Variants in STPG2 observed in about 807,000 individuals in gnomAD.
STPG2 encodes sperm-tail PG-rich repeat-containing protein 2.
STPG2 carries 56 observed loss-of-function variants against 54.2 expected under a neutral mutation model. That is an observed-to-expected ratio of 1.03 (90% CI 0.83 to 1.29). The LOEUF (loss-of-function observed/expected upper bound fraction) is 1.29. Among genes scored for constraint, STPG2 ranks in the 50% most tolerant of loss-of-function variants. STPG2 has a pLI of 0.00. For synonymous variants in STPG2, 200 were observed against 181.8 expected (o/e 1.10, Z -0.81); for missense variants, 596 against 544.9 (o/e 1.09, Z -0.93).
intron 10 of STPG2, among the ~76,000 whole-genome samples, chr4:97,616,050 ACATATAAATAT>A (rs1733856223): frequency 9.9e-5 from 8 of 80,636 alleles, no homozygotes; most frequent in African/African-American, 4.1e-4. Context: ...AAAAAAAAAT[ACATATAAATAT>A]ATATATATAT....
In STPG2 at chr4:97,528,546, G is replaced by T. The variant is rs188324802; in HGVS notation, c.462+184153C>A. On this transcript the variant is annotated intron_variant, in intron 4 of 4. Transcript: ENST00000522676. Reference sequence around the variant, plus strand: ...TCCAACTCTGTTAAGAAAGCCAATGGTACCTTGATGGGGATAGCATTAAAT... The same window carrying T: ...TCCAACTCTGTTAAGAAAGCCAATGTTACCTTGATGGGGATAGCATTAAAT... Among the ~76,000 whole-genome samples the T allele has an allele frequency of 4.4e-3, 675 of 152,228 alleles. 2 individuals are homozygous for T. Among genetic ancestry groups the T allele is most frequent in the Non-Finnish European group, 7.0e-3 (479 of 68,022 alleles).
chr4:98,007,654 G>C (rs1735616087), intron 5 of STPG2, among the ~76,000 whole-genome samples: 1 of 151,920 alleles, frequency 6.6e-6, no homozygotes, highest in African/African-American at 2.4e-5. Context: ...TCAAAGTATT[G>C]ATGTTAATGA....
intron 8 of STPG2, among the ~76,000 whole-genome samples, chr4:97,883,795 TAGAA>T (rs1730464386): frequency 6.6e-6 from 1 of 152,068 alleles, no homozygotes; most frequent in Non-Finnish European, 1.5e-5. Context: ...GAAATCCTCT[TAGAA>T]AGGGGAAGAG....
At chr4:97,555,990 T>C (rs915825822), downstream of STPG2, among the ~76,000 whole-genome samples, 5 of 152,130 alleles carry the variant, frequency 3.3e-5, no homozygotes, top group Non-Finnish European at 1.5e-5. Context: ...ATAACACATA[T>C]CATTTACCTG....
At chr4:98,057,915 A>C (rs186435791) in intron 5 of STPG2, among the ~76,000 whole-genome samples, 169 of 152,360 alleles carry the variant, frequency 1.1e-3, no homozygotes, top group African/African-American at 3.9e-3. Context: ...ATTGTTAAAG[A>C]AAAGTAATTC....
At chr4:98,125,972 G>A (rs886319009) in intron 3 of STPG2, among the ~76,000 whole-genome samples, 3 of 152,204 alleles carry the variant, frequency 2.0e-5, no homozygotes, top group African/African-American at 7.2e-5. Context: ...GTGCCGTGGT[G>A]TGGGGAATTC....
intron 4 of STPG2, among the ~76,000 whole-genome samples, chr4:97,480,583 T>C (rs1462088091): frequency 6.6e-6 from 1 of 151,762 alleles, no homozygotes; most frequent in South Asian, 2.1e-4. Context: ...AGAGTATCAG[T>C]TGCTATTAAT....
chr4:97,825,365 G>A (rs759242287), intron 9 of STPG2, among the ~76,000 whole-genome samples: 3 of 152,126 alleles, frequency 2.0e-5, no homozygotes, highest in Non-Finnish European at 4.4e-5. Context: ...ATAGCTAATG[G>A]CAGTTATGGG....
intron 4 of STPG2, among the ~76,000 whole-genome samples, chr4:97,457,540 C>T (rs958664650): frequency 2.0e-5 from 3 of 152,170 alleles, no homozygotes; most frequent in Non-Finnish European, 4.4e-5. Flanking sequence ...AAGTTTTCAC[C>T]TCACACCCCC....
intron 10 of STPG2, among the ~76,000 whole-genome samples, chr4:97,645,380 G>A (rs959465382): frequency 6.6e-5 from 10 of 151,858 alleles, no homozygotes; most frequent in African/African-American, 2.4e-4. Context: ...GATAAAGGAC[G>A]TGAAGCTGGA....
intron 9 of STPG2, among the ~76,000 whole-genome samples, chr4:97,822,985 G>A (rs1728134417): frequency 6.6e-6 from 1 of 152,198 alleles, no homozygotes; most frequent in Non-Finnish European, 1.5e-5. Flanking sequence ...GGCCAAGAGA[G>A]GTGGGGAAGC....
intron 4 of STPG2, among the ~76,000 whole-genome samples, chr4:97,447,028 T>G (rs1321044263): frequency 6.6e-6 from 1 of 152,214 alleles, no homozygotes; most frequent in Non-Finnish European, 1.5e-5. Flanking sequence ...TGGAACTTCC[T>G]AGAGACTTGT....
At chr4:97,928,146 T>G (rs1429398611) in intron 8 of STPG2, among the ~76,000 whole-genome samples, 5 of 152,274 alleles carry the variant, frequency 3.3e-5, no homozygotes, top group African/African-American at 1.2e-4. Flanking sequence ...TCTTTGAGAC[T>G]ACCCACTACA....
intron 9 of STPG2, among the ~76,000 whole-genome samples, chr4:97,780,828 A>G (rs924136236): frequency 6.6e-6 from 1 of 152,132 alleles, no homozygotes; most frequent in Non-Finnish European, 1.5e-5. Flanking sequence ...CTCCTGAATG[A>G]CTACTGGGTA....
intron 8 of STPG2, among the ~76,000 whole-genome samples, chr4:97,902,297 C>A (rs757006772): frequency 1.3e-5 from 2 of 152,038 alleles, no homozygotes; most frequent in Non-Finnish European, 2.9e-5. Context: ...CAAAATTAAA[C>A]AAGTGGGACT....
At chr4:98,114,041 T>G (rs7658177) in intron 3 of STPG2, among the ~76,000 whole-genome samples, 9 of 151,614 alleles carry the variant, frequency 5.9e-5, no homozygotes, top group Non-Finnish European at 1.5e-5. Flanking sequence ...ACTAGAGTAG[T>G]TGAAAACACT....
At chr4:97,638,205 C>A (rs1188087868) in intron 10 of STPG2, among the ~76,000 whole-genome samples, 1 of 151,970 alleles carries the variant, frequency 6.6e-6, no homozygotes, top group African/African-American at 2.4e-5. Context: ...CTACAACTAT[C>A]TGATCTTTGA....
chr4:97,561,710 T>C (rs1419635139), intron 10 of STPG2, among the ~76,000 whole-genome samples: 1 of 152,226 alleles, frequency 6.6e-6, no homozygotes, highest in Non-Finnish European at 1.5e-5. Context: ...CCTTTCCCCA[T>C]TGCTTGTTTT....
intron 4 of STPG2, among the ~76,000 whole-genome samples, chr4:97,547,927 G>T (rs1731875666): frequency 6.6e-6 from 1 of 151,818 alleles, no homozygotes; most frequent in Non-Finnish European, 1.5e-5. Context: ...GAGGCAGGCG[G>T]AACACCTGAG....
Sources: allele counts gnomAD v4.1 joint callset (sites outside exome capture counted in the v4.1 genomes callset), GRCh38; gene constraint gnomAD v4.1.1; transcripts MANE v1.5; gene names NCBI Gene and HGNC (gene_info 2026-07-23, HGNC 2026-07-21).